The following ATP10B variants were observed in gnomAD, a reference collection of about 807,000 sequenced individuals.
ATP10B encodes ATPase phospholipid transporting 10B (putative).
ATP10B carries 122 observed loss-of-function variants against 141.2 expected under a neutral mutation model. That is an observed-to-expected ratio of 0.86 (90% CI 0.75 to 1.00). The LOEUF is 1.00. ATP10B is among the 50% of genes least tolerant of loss of function. ATP10B has a pLI of 0.00. For missense variants in ATP10B, 1,876 were observed against 1,825.3 expected (o/e 1.03, Z -0.51); for synonymous variants, 685 against 692.0 (o/e 0.99, Z 0.16).
chr5:160,914,054 G>A, the ATP10B span, among the ~76,000 whole-genome samples: 1 of 152,136 alleles, frequency 6.6e-6, no homozygotes, highest in Non-Finnish European at 1.5e-5. Context: ...GACAGGTTAG[G>A]TTGAAAAAGT....
chr5:160,776,318 T>C (rs1297414704), intron 2 of ATP10B, among the ~76,000 whole-genome samples: 1 of 152,218 alleles, frequency 6.6e-6, no homozygotes, highest in East Asian at 1.9e-4. Flanking sequence ...GGCAAGTTAT[T>C]TACCTTCTTG....
At chr5:160,922,539 AGACT>A in the ATP10B span, among the ~76,000 whole-genome samples, 1 of 152,236 alleles carries the variant, frequency 6.6e-6, no homozygotes, top group Non-Finnish European at 1.5e-5. Flanking sequence ...GTGACTACCC[AGACT>A]AAGTAGGCAG....
At position 160,677,122 on chromosome 5, in the gene ATP10B, G is replaced by A. The variant is rs553876743; in HGVS notation, c.471-6455C>T. 3.3e-5 allele frequency among the ~76,000 whole-genome samples: 5 copies of A among 152,304 alleles called. No homozygotes were observed. The South Asian group carries it at 6.2e-4, about 19-fold the overall frequency. On this transcript the variant is annotated intron_variant, in intron 6 of 25. Transcript: ENST00000327245. ...AAACAGAGGCCATAAATCCTTACCCGTGGACATACAAATCATGCCTGATGA... is the reference window on the plus strand; with the variant it reads ...AAACAGAGGCCATAAATCCTTACCCATGGACATACAAATCATGCCTGATGA...
intron 7 of ATP10B, among the ~76,000 whole-genome samples, chr5:160,656,678 CT>C (rs968916382): frequency 6.6e-6 from 1 of 151,336 alleles, no homozygotes; most frequent in African/African-American, 2.4e-5. Context: ...AGGACAACCT[CT>C]TTTTTTTATA....
In ATP10B at chr5:160,702,363, T is replaced by A. The variant is rs17058155; in HGVS notation, c.-204-13420A>T. 3.3e-5 allele frequency among the ~76,000 whole-genome samples: 5 copies of A among 152,220 alleles called. No individual in the cohort carries two copies. The East Asian group carries it at 9.7e-4, about 29-fold the overall frequency. On this transcript the variant is annotated intron_variant, in intron 3 of 25. Transcript: ENST00000327245. The stretch of plus-strand genomic sequence containing the variant: ...GGTTAAGGAACTTGAGAAATCATAA[T>A]AGAAGTTCCCTGTTTTTGGACCAAA...
the ATP10B span, among the ~76,000 whole-genome samples, chr5:160,909,850 C>T: frequency 6.6e-6 from 1 of 152,146 alleles, no homozygotes; most frequent in Non-Finnish European, 1.5e-5. Context: ...ATCTCCAAGG[C>T]CTCTGCTGAC....
At chr5:160,666,763 C>G (rs777449444) in intron 7 of ATP10B, among the ~76,000 whole-genome samples, 42 of 152,274 alleles carry the variant, frequency 2.8e-4, no homozygotes, top group Non-Finnish European at 5.1e-4. Context: ...ATGTCTCCCT[C>G]CAGGGAGCAG....
chr5:160,806,135 T>A (rs1481489912), intron 1 of ATP10B, among the ~76,000 whole-genome samples: 1 of 152,228 alleles, frequency 6.6e-6, no homozygotes, highest in Non-Finnish European at 1.5e-5. Flanking sequence ...TGCTTTACTC[T>A]GTCCACCAGT....
At chr5:160,600,686 A>G (rs747430828) in intron 21 of ATP10B, among the ~76,000 whole-genome samples, 5 of 152,192 alleles carry the variant, frequency 3.3e-5, no homozygotes, top group African/African-American at 4.8e-5. Flanking sequence ...CTTCTGCCTA[A>G]CTGGAATCTT....
chr5:160,805,816 C>G (rs1385241510), intron 1 of ATP10B, among the ~76,000 whole-genome samples: 1 of 152,090 alleles, frequency 6.6e-6, no homozygotes, highest in Non-Finnish European at 1.5e-5. Context: ...AGAAACAGAA[C>G]CAAGAAGATA....
At chr5:160,766,758 T>C (rs1365814676) in intron 2 of ATP10B, among the ~76,000 whole-genome samples, 1 of 152,186 alleles carries the variant, frequency 6.6e-6, no homozygotes, top group Non-Finnish European at 1.5e-5. Flanking sequence ...TTAAAAAAGT[T>C]AGAAGGACAT....
chr5:160,787,846 C>A (rs993494262), intron 1 of ATP10B, among the ~76,000 whole-genome samples: 1 of 152,108 alleles, frequency 6.6e-6, no homozygotes. Context: ...AAACTGGTGG[C>A]CCCATAGTCC....
intron 1 of ATP10B, among the ~76,000 whole-genome samples, chr5:160,847,281 T>C (rs989510664): frequency 2.6e-5 from 4 of 152,200 alleles, no homozygotes; most frequent in Admixed American, 1.3e-4. Flanking sequence ...GTCAGTTATG[T>C]AAAAGACAAT....
the ATP10B span, among the ~76,000 whole-genome samples, chr5:160,902,863 T>C: frequency 6.6e-6 from 1 of 152,302 alleles, no homozygotes; most frequent in African/African-American, 2.4e-5. Flanking sequence ...CAAAGTCAGA[T>C]GACTAAAGGG....
intron 24 of ATP10B, among the ~76,000 whole-genome samples, chr5:160,573,067 C>T (rs1754979603): frequency 6.6e-6 from 1 of 152,096 alleles, no homozygotes; most frequent in South Asian, 2.1e-4. Context: ...TGTTTATGTC[C>T]TCCTACTCCC....
the ATP10B span, among the ~76,000 whole-genome samples, chr5:160,925,747 T>C: frequency 2.6e-5 from 4 of 152,250 alleles, no homozygotes; most frequent in African/African-American, 7.2e-5. Flanking sequence ...CTTTGGTAAG[T>C]TGCATCTTTT....
chr5:160,752,216 G>A (rs990268045), intron 2 of ATP10B, among the ~76,000 whole-genome samples: 4 of 113,062 alleles, frequency 3.5e-5, no homozygotes, highest in Admixed American at 9.7e-5. Context: ...AAAACTATAT[G>A]ATTTCTTCCA....
chr5:160,650,165 T>C (rs1419179002), intron 7 of ATP10B, among the ~76,000 whole-genome samples: 4 of 150,422 alleles, frequency 2.7e-5, no homozygotes, highest in Non-Finnish European at 2.9e-5. Context: ...TATATACATA[T>C]ATATACATAC....
intron 21 of ATP10B, 140 bp downstream of exon 21, chr5:160,602,437 G>C: frequency 9.2e-7 from 1 of 1,081,734 alleles, no homozygotes; most frequent in Non-Finnish European, 1.3e-6. Flanking sequence ...AGCTATTAAG[G>C]AACAGTTTCA....
Sources: gnomAD v4.1 joint callset for allele counts (sites outside exome capture counted in the v4.1 genomes callset) on GRCh38, gnomAD v4.1.1 for gene constraint, MANE v1.5 for transcripts, NCBI Gene and HGNC (gene_info 2026-07-23, HGNC 2026-07-21) for gene names.